PHKB: variants seen among roughly 807,000 people sequenced by gnomAD.
PHKB encodes phosphorylase kinase regulatory subunit beta, also known as phosphorylase b kinase regulatory subunit beta.
In PHKB, 122 loss-of-function variants were observed where a neutral mutation model predicts 152.1. The observed-to-expected ratio is 0.80, with a 90% CI of 0.69 to 0.93. The LOEUF (loss-of-function observed/expected upper bound fraction) is 0.93. Ranked by LOEUF, PHKB falls within the 40% of genes least tolerant of loss-of-function variation. The pLI, the probability that PHKB is intolerant of heterozygous loss-of-function variation, is 0.00. For missense variants in PHKB, 1,304 were observed against 1,328.4 expected, an observed-to-expected ratio of 0.98 and a Z score of 0.29; for synonymous variants, 436 against 464.9, an observed-to-expected ratio of 0.94 and a Z score of 0.80.
At chr16:47,471,631 A>G (rs1969769433) in intron 1 of PHKB, among the ~76,000 whole-genome samples, 2 of 152,202 alleles carry the variant, frequency 1.3e-5, no homozygotes, top group African/African-American at 4.8e-5. Flanking sequence ...AGATGTGGCC[A>G]CCTTGATTAT....
chr16:47,574,871 G>A (rs1171554513), intron 7 of PHKB, among the ~76,000 whole-genome samples: 2 of 152,132 alleles, frequency 1.3e-5, no homozygotes, highest in Non-Finnish European at 1.5e-5. Context: ...TATGTCATCT[G>A]CAAAGAAACA....
chr16:47,696,821 A>G (rs374460954), intron 29 of PHKB, among the ~76,000 whole-genome samples: 1 of 152,306 alleles, frequency 6.6e-6, no homozygotes, highest in African/African-American at 2.4e-5. Context: ...ACAGGAAGTG[A>G]CCTTTTTCTA....
chr16:47,649,674 C>CTGCA (rs1269424939), intron 18 of PHKB, among the ~76,000 whole-genome samples: 1 of 151,546 alleles, frequency 6.6e-6, no homozygotes. Flanking sequence ...TGGAGCCAGA[C>CTGCA]TGCATTCGTT....
intron 7 of PHKB, among the ~76,000 whole-genome samples, chr16:47,549,184 C>T (rs562046852): frequency 1.3e-5 from 2 of 152,200 alleles, no homozygotes; most frequent in South Asian, 4.2e-4. Flanking sequence ...TATAATTCAG[C>T]CCTCATCCAA....
chr16:47,698,433 G>A lies in PHKB; in HGVS notation c.3004-15G>A, dbSNP rs1974188742. ...ATGGTTCATATAGTTGGCTTTCAAT[G>A]TCTGTCTCTTCTAGTTACTTATGGT... On this transcript the variant is annotated splice_polypyrimidine_tract_variant and intron_variant, in intron 29 of 30. Transcript: ENST00000323584. The A allele has an allele frequency of 1.2e-6, 2 of 1,602,846 alleles. No individual in the cohort carries two copies. Among genetic ancestry groups the A allele is most frequent in the South Asian group, 1.1e-5 (1 of 90,846 alleles).
intron 8 of PHKB, among the ~76,000 whole-genome samples, chr16:47,582,900 G>T (rs781246625): frequency 6.6e-6 from 1 of 152,132 alleles, no homozygotes; most frequent in South Asian, 2.1e-4. Context: ...GGGTTCAAGC[G>T]ATTCTCCTGC....
rs1973011706 is a variant in PHKB, at chr16:47,641,107, G to A, written c.1514+17G>A. On this transcript the variant is annotated intron_variant, in intron 15 of 30. Transcript: ENST00000323584. ...AAGCCAAAGGTATGAAATCCAAGTGGGTGGTGTGTTTTTTTGTGGGGAGGG... is the reference window on the plus strand; with the variant it reads ...AAGCCAAAGGTATGAAATCCAAGTGAGTGGTGTGTTTTTTTGTGGGGAGGG... 1 of 1,610,860 alleles carries A rather than the reference G, an allele frequency of 6.2e-7. No homozygotes were observed. Among genetic ancestry groups the A allele is most frequent in the South Asian group, 1.1e-5 (1 of 90,996 alleles).
At chr16:47,690,641 TA>T (rs1974043526) in intron 27 of PHKB, among the ~76,000 whole-genome samples, 1 of 152,198 alleles carries the variant, frequency 6.6e-6, no homozygotes, top group Non-Finnish European at 1.5e-5. Context: ...ACCTTTCTTA[TA>T]ATAGAATTCC....
At chr16:47,595,901 C>T (rs969426197) in intron 12 of PHKB, among the ~76,000 whole-genome samples, 32 of 152,142 alleles carry the variant, frequency 2.1e-4, no homozygotes, top group Non-Finnish European at 3.7e-4. Flanking sequence ...CTTATCAAAT[C>T]TGTTGCCTCC....
chr16:47,689,098 C>T lies in PHKB; in HGVS notation c.2688C>T (p.Ala896=), dbSNP rs1974015891. The change falls in exon 27 of 31, where the codon GCC becomes GCT. Residue 896 remains alanine, a synonymous_variant. Transcript: ENST00000323584. Reference sequence around the variant, plus strand: ...AGATCCGTGGCGGAGACAAGCCAGCCTTGGACTTGTATCAGCTGTCACCTA... The same window carrying T: ...AGATCCGTGGCGGAGACAAGCCAGCTTTGGACTTGTATCAGCTGTCACCTA... The part of the protein sequence containing the change: ...ELQIRGGDKP[A]LDLYQLSPSE... 3.1e-6 allele frequency: 5 copies of T among 1,613,730 alleles called. No individual in the cohort carries two copies. The highest frequency in any genetic ancestry group is 1.3e-5 in the African/African-American group (1 of 74,854).
intron 1 of PHKB, among the ~76,000 whole-genome samples, chr16:47,492,288 A>G (rs1970163214): frequency 6.6e-6 from 1 of 152,234 alleles, no homozygotes; most frequent in African/African-American, 2.4e-5. Flanking sequence ...GATTAAGACC[A>G]GCCTCACAAA....
intron 30 of PHKB, 115 bp downstream of exon 30, chr16:47,698,703 A>G (rs1208257272): frequency 3.2e-6 from 3 of 923,902 alleles, no homozygotes; most frequent in African/African-American, 3.4e-5. Context: ...TCACAGGTGC[A>G]AAATAGGATA....
chr16:47,661,874 C>A, intron 23 of PHKB, 74 bp downstream of exon 23: 1 of 908,706 alleles, frequency 1.1e-6, no homozygotes, highest in Non-Finnish European at 1.9e-6. Flanking sequence ...TATGCATAAG[C>A]TATCCACTAA....
chr16:47,622,997 GTAA>G (rs1972644082), intron 14 of PHKB, among the ~76,000 whole-genome samples: 2 of 152,156 alleles, frequency 1.3e-5, no homozygotes, highest in Non-Finnish European at 2.9e-5. Context: ...TTTTAAGGAA[GTAA>G]TATAGTATAG....
intron 7 of PHKB, chr16:47,566,161 C>A (rs928418123): frequency 9.2e-5 from 61 of 665,750 alleles, no homozygotes; most frequent in Non-Finnish European, 1.6e-4. Context: ...CCGTATCAAT[C>A]CATATCCCTG....
chr16:47,675,519 A>ACACACACTCTCTCTCT (rs1491544334), intron 26 of PHKB: 11 of 87,968 alleles, frequency 1.3e-4, no homozygotes, highest in African/African-American at 3.4e-4. Context: ...ACACACACAC[A>ACACACACTCTCTCTCT]CTCTCTCTCT....
At chr16:47,561,964 G>C (rs534673837) in intron 7 of PHKB, 6 of 152,264 alleles carry the variant, frequency 3.9e-5, no homozygotes, top group Admixed American at 2.6e-4. Context: ...GGCATATCCA[G>C]AGAGGGGTGG....
chr16:47,525,236 A>G (rs1970746766), intron 6 of PHKB, among the ~76,000 whole-genome samples: 1 of 152,190 alleles, frequency 6.6e-6, no homozygotes, highest in African/African-American at 2.4e-5. Context: ...CAGGAGGCAG[A>G]TACAGTTTAG....
intron 14 of PHKB, among the ~76,000 whole-genome samples, chr16:47,634,099 A>G (rs558540470): frequency 5.9e-5 from 9 of 152,300 alleles, no homozygotes; most frequent in African/African-American, 1.7e-4. Context: ...CCAGTGTTAA[A>G]TGCTTATATA....
Sources: allele counts gnomAD v4.1 joint callset (sites outside exome capture counted in the v4.1 genomes callset), GRCh38; gene constraint gnomAD v4.1.1; transcripts MANE v1.5; gene names NCBI Gene and HGNC (gene_info 2026-07-23, HGNC 2026-07-21).